Variants in LRGUK observed in about 807,000 individuals in gnomAD.
LRGUK encodes leucine-rich repeat and guanylate kinase domain-containing protein.
Under a neutral mutation model 76.0 loss-of-function variants are expected in LRGUK, and 65 were observed. That is an observed-to-expected ratio of 0.85 (90% CI 0.70 to 1.05). LRGUK has a LOEUF of 1.05. LRGUK is among the 50% of genes least tolerant of loss of function. The probability of loss-of-function intolerance (pLI) is 0.00; values close to 1 mark genes in which losing one functional copy is unlikely to be tolerated. For synonymous variants in LRGUK, 268 were observed against 265.6 expected (o/e 1.01, Z -0.09); for missense variants, 758 against 732.8 (o/e 1.03, Z -0.40).
At chr7:134,270,938 G>A in the LRGUK span, among the ~76,000 whole-genome samples, 656 of 152,142 alleles carry the variant, frequency 4.3e-3, 3 homozygotes, top group Non-Finnish European at 7.2e-3. Flanking sequence ...CAACACGTAA[G>A]AGGGTGCTCA....
At chr7:134,207,186 C>T (rs1283000875) in intron 15 of LRGUK, among the ~76,000 whole-genome samples, 1 of 151,868 alleles carries the variant, frequency 6.6e-6, no homozygotes. Context: ...TAAAATTTGC[C>T]GTTTTAACCA....
chr7:134,151,933 A>T (rs796949410), intron 5 of LRGUK, among the ~76,000 whole-genome samples: 17 of 152,156 alleles, frequency 1.1e-4, no homozygotes, highest in African/African-American at 4.1e-4. Context: ...AACACACTTT[A>T]TCCTAATTGG....
chr7:134,200,194 G>A (rs985538200), intron 14 of LRGUK, among the ~76,000 whole-genome samples: 6 of 150,644 alleles, frequency 4.0e-5, no homozygotes, highest in Middle Eastern at 3.4e-3. Context: ...CCGCCACCAC[G>A]CCCAGCTAAT....
At chr7:134,255,300 T>C (rs1202740282) in intron 18 of LRGUK, among the ~76,000 whole-genome samples, 1 of 151,914 alleles carries the variant, frequency 6.6e-6, no homozygotes, top group African/African-American at 2.4e-5. Context: ...AAAAAAATGC[T>C]GTCATTTTCC....
At chr7:134,204,024 T>A (rs954643909) in intron 15 of LRGUK, among the ~76,000 whole-genome samples, 9 of 152,186 alleles carry the variant, frequency 5.9e-5, no homozygotes, top group Non-Finnish European at 1.0e-4. Context: ...CATTGTAAAT[T>A]AATTAATTGG....
intron 5 of LRGUK, among the ~76,000 whole-genome samples, chr7:134,149,504 G>GA (rs1186665577): frequency 6.6e-6 from 1 of 151,958 alleles, no homozygotes; most frequent in East Asian, 1.9e-4. Context: ...TCTTGTAAAA[G>GA]AAAAAAATCC....
At chr7:134,225,568 C>T (rs1256570621) in intron 16 of LRGUK, among the ~76,000 whole-genome samples, 6 of 152,182 alleles carry the variant, frequency 3.9e-5, no homozygotes, top group Admixed American at 3.9e-4. Flanking sequence ...AAGGTAGTTT[C>T]ATAGAAAAGC....
chr7:134,250,407 A>AC (rs1802415212), intron 18 of LRGUK, among the ~76,000 whole-genome samples: 1 of 151,884 alleles, frequency 6.6e-6, no homozygotes, highest in Admixed American at 6.6e-5. Flanking sequence ...TTTTTTGTTC[A>AC]CCCCCCGTAT....
chr7:134,249,349 C>T (rs1454771741), intron 18 of LRGUK, among the ~76,000 whole-genome samples: 1 of 152,112 alleles, frequency 6.6e-6, no homozygotes, highest in African/African-American at 2.4e-5. Flanking sequence ...AAGTCACCAG[C>T]AGCAGAAGAA....
At chr7:134,258,907 G>T (rs1802652000) in intron 19 of LRGUK, among the ~76,000 whole-genome samples, 1 of 152,136 alleles carries the variant, frequency 6.6e-6, no homozygotes, top group Admixed American at 6.5e-5. Flanking sequence ...GAAAGGTGGG[G>T]AATCCACCCA....
intron 16 of LRGUK, among the ~76,000 whole-genome samples, chr7:134,229,073 T>G (rs1176934600): frequency 6.6e-6 from 1 of 152,160 alleles, no homozygotes; most frequent in Non-Finnish European, 1.5e-5. Flanking sequence ...ATATATTTAG[T>G]TTTTTAAAAA....
At chr7:134,199,316 G>C in exon 14 of LRGUK, 1 of 1,613,790 alleles carries the variant, frequency 6.2e-7, no homozygotes, top group African/African-American at 1.3e-5. Flanking sequence ...GCGGAGAAAA[G>C]GATTATTCAG....
chr7:134,135,942 C>A (rs1797521125), intron 1 of LRGUK, among the ~76,000 whole-genome samples: 1 of 152,360 alleles, frequency 6.6e-6, no homozygotes, highest in African/African-American at 2.4e-5. Flanking sequence ...AGGCGTGAGC[C>A]ACCGCGCCCG....
chr7:134,183,920 G>A (rs781118006), intron 11 of LRGUK, 67 bp downstream of exon 11: 100 of 1,573,306 alleles, frequency 6.4e-5, no homozygotes, highest in Non-Finnish European at 8.3e-5. Context: ...ATCAATAGTT[G>A]TAGTAAAATC....
intron 19 of LRGUK, 84 bp downstream of exon 19, chr7:134,258,489 G>A: frequency 7.5e-7 from 1 of 1,341,860 alleles, no homozygotes. Context: ...CCTGACGTCA[G>A]GAGTTCGAGA....
intron 16 of LRGUK, 84 bp from the exon 17 acceptor site, chr7:134,247,472 G>T: frequency 2.1e-6 from 2 of 973,528 alleles, no homozygotes; most frequent in South Asian, 1.5e-5. Context: ...TCAATCTCTA[G>T]TACCAAAGAG....
chr7:134,239,069 C>T (rs1041284520), intron 16 of LRGUK, among the ~76,000 whole-genome samples: 1 of 152,184 alleles, frequency 6.6e-6, no homozygotes, highest in Non-Finnish European at 1.5e-5. Context: ...TGACCCAGCT[C>T]CTTTAGAAGT....
Position 134,199,399 on chromosome 7 carries a change from T to G in LRGUK, c.1725T>G (p.Tyr575Ter), listed in dbSNP as rs749259740. ...AAATTAATCAGAATTTTCCGGGATA[T>G]TTTGATGAGGTAATCAATGCAGGTT... is the stretch of plus-strand genomic sequence containing the variant. The change falls in exon 14 of 16, where the codon TAT becomes TAG. Residue 575 changes from tyrosine (Y) to a stop codon, truncating the protein, a stop_gained. Coordinates refer to ENST00000645682, the Ensembl canonical transcript of LRGUK. LOFTEE classifies it high-confidence loss of function. 6.2e-7 allele frequency: 1 copy of G among 1,613,624 alleles called. No homozygotes were observed.
In LRGUK at chr7:134,177,021, A is replaced by T. The variant is rs1799511236; in HGVS notation, c.1065A>T (p.Arg355=). 1 of 1,602,880 alleles carries T rather than the reference A, an allele frequency of 6.2e-7. No homozygotes were observed. Among genetic ancestry groups the T allele is most frequent in the Non-Finnish European group, 8.5e-7 (1 of 1,171,262 alleles). The stretch of plus-strand genomic sequence containing the variant: ...TCTTCGTAATTTTTATGCTTCTGCG[A>T]TTAACAGAATTAGATCAGAAGAAGA... The change falls in exon 9 of 16, where the codon CGA becomes CGT. Residue 355 remains arginine, a synonymous_variant. Transcript: ENST00000645682.
Sources: allele counts gnomAD v4.1 joint callset (sites outside exome capture counted in the v4.1 genomes callset), GRCh38; gene constraint gnomAD v4.1.1; transcripts MANE v1.5; gene names NCBI Gene and HGNC (gene_info 2026-07-23, HGNC 2026-07-21).